RSRC1: variants seen among roughly 807,000 people sequenced by gnomAD.
The protein encoded by RSRC1 is serine/Arginine-related protein 53.
Under a neutral mutation model 49.1 loss-of-function variants are expected in RSRC1, and 39 were observed. That is an observed-to-expected ratio of 0.79 (90% CI 0.61 to 1.04). The LOEUF is 1.04. Ranked by LOEUF, RSRC1 falls within the 50% of genes least tolerant of loss-of-function variation. The probability of loss-of-function intolerance (pLI) is 0.00; values close to 1 mark genes in which losing one functional copy is unlikely to be tolerated. For synonymous variants in RSRC1, 143 were observed against 130.8 expected (o/e 1.09, Z -0.63); for missense variants, 388 against 402.4 (o/e 0.96, Z 0.31).
At chr3:158,286,356 C>G (rs1263160096) in intron 4 of RSRC1, among the ~76,000 whole-genome samples, 1 of 152,176 alleles carries the variant, frequency 6.6e-6, no homozygotes, top group Admixed American at 6.5e-5. Context: ...TTTATCTCAT[C>G]TATAAAATAG....
intron 3 of RSRC1, among the ~76,000 whole-genome samples, chr3:158,148,940 C>T (rs777632728): frequency 2.0e-5 from 3 of 152,026 alleles, no homozygotes; most frequent in Non-Finnish European, 4.4e-5. Flanking sequence ...CATGCCGCCA[C>T]GCCTGGCTAA....
At chr3:158,114,662 C>T (rs1714670705) in intron 1 of RSRC1, among the ~76,000 whole-genome samples, 1 of 152,086 alleles carries the variant, frequency 6.6e-6, no homozygotes, top group African/African-American at 2.4e-5. Flanking sequence ...TGTTTGTGTC[C>T]TCTCTGATTT....
At chr3:158,130,707 G>A (rs1416931469) in intron 3 of RSRC1, among the ~76,000 whole-genome samples, 2 of 152,104 alleles carry the variant, frequency 1.3e-5, no homozygotes, top group African/African-American at 4.8e-5. Context: ...TCCACTTGTG[G>A]CATCATTCTG....
At chr3:158,140,826 T>C (rs1716699220) in intron 3 of RSRC1, among the ~76,000 whole-genome samples, 1 of 152,174 alleles carries the variant, frequency 6.6e-6, no homozygotes, top group Non-Finnish European at 1.5e-5. Flanking sequence ...GTTTATGCTG[T>C]TAGAGATATT....
At chr3:158,441,449 G>T (rs1258377680) in intron 6 of RSRC1, among the ~76,000 whole-genome samples, 1 of 149,052 alleles carries the variant, frequency 6.7e-6, no homozygotes, top group Non-Finnish European at 1.5e-5. Context: ...TATCAGTAGG[G>T]TTTTTTTTTT....
intron 6 of RSRC1, among the ~76,000 whole-genome samples, chr3:158,455,558 A>G (rs1737263831): frequency 6.6e-6 from 1 of 152,150 alleles, no homozygotes. Flanking sequence ...GTGATATACT[A>G]CCAGTGACAC....
At chr3:158,143,951 T>TA (rs966782651) in intron 3 of RSRC1, among the ~76,000 whole-genome samples, 19 of 152,234 alleles carry the variant, frequency 1.2e-4, no homozygotes, top group Non-Finnish European at 2.2e-4. Flanking sequence ...TTGGTGTTGT[T>TA]ACACTTTGAA....
At chr3:158,143,276 G>A (rs1421462255) in intron 3 of RSRC1, among the ~76,000 whole-genome samples, 1 of 152,092 alleles carries the variant, frequency 6.6e-6, no homozygotes, top group Non-Finnish European at 1.5e-5. Context: ...CTTTGAAAGG[G>A]ATTCAGGCAG....
At chr3:158,435,572 AAGATAT>A (rs1735999150) in intron 6 of RSRC1, among the ~76,000 whole-genome samples, 1 of 151,618 alleles carries the variant, frequency 6.6e-6, no homozygotes, top group African/African-American at 2.4e-5. Context: ...ATGTGCTATA[AAGATAT>A]AGATATAAAT....
At chr3:158,319,061 T>C (rs1295646212) in intron 5 of RSRC1, among the ~76,000 whole-genome samples, 1 of 152,142 alleles carries the variant, frequency 6.6e-6, no homozygotes, top group Admixed American at 6.5e-5. Context: ...ACTTAGTCTT[T>C]CCTGAAGAAT....
chr3:158,292,202 C>T (rs1726975119), intron 4 of RSRC1, among the ~76,000 whole-genome samples: 1 of 152,166 alleles, frequency 6.6e-6, no homozygotes, highest in African/African-American at 2.4e-5. Context: ...TCTGTGCTGC[C>T]TCAACTACAA....
At chr3:158,374,501 C>A (rs887477924) in intron 6 of RSRC1, among the ~76,000 whole-genome samples, 1 of 152,038 alleles carries the variant, frequency 6.6e-6, no homozygotes, top group Non-Finnish European at 1.5e-5. Context: ...AAGTAAAATA[C>A]GCTTATTTTT....
intron 3 of RSRC1, among the ~76,000 whole-genome samples, chr3:158,182,150 A>G (rs1719656252): frequency 6.6e-6 from 1 of 152,156 alleles, no homozygotes; most frequent in Admixed American, 6.6e-5. Flanking sequence ...AAAAGAAGAC[A>G]TTTAGCAAAG....
At chr3:158,530,163 T>C (rs1329513722) in intron 7 of RSRC1, among the ~76,000 whole-genome samples, 1 of 151,968 alleles carries the variant, frequency 6.6e-6, no homozygotes, top group Non-Finnish European at 1.5e-5. Flanking sequence ...GTCAGAAATA[T>C]ACAGATTTAT....
intron 6 of RSRC1, among the ~76,000 whole-genome samples, chr3:158,400,844 T>C (rs1733860595): frequency 1.3e-5 from 2 of 152,070 alleles, no homozygotes. Flanking sequence ...TAGTGTATTG[T>C]AATGCCCTAG....
At chr3:158,480,342 T>G (rs560785959) in intron 7 of RSRC1, among the ~76,000 whole-genome samples, 69 of 152,138 alleles carry the variant, frequency 4.5e-4, no homozygotes, top group African/African-American at 1.6e-3. Flanking sequence ...TGTATGTTTT[T>G]AAAGTTTTAT....
chr3:158,526,699 G>A (rs1423277031), intron 7 of RSRC1, among the ~76,000 whole-genome samples: 1 of 151,908 alleles, frequency 6.6e-6, no homozygotes, highest in Non-Finnish European at 1.5e-5. Context: ...AGAAATTAAG[G>A]CACATGGGGC....
Position 158,487,957 on chromosome 3 carries a change from A to G in RSRC1, c.652+26954A>G, listed in dbSNP as rs1314569186. 6.2e-5 allele frequency among the ~76,000 whole-genome samples: 9 copies of G among 145,768 alleles called. 1 individual carries two copies. In the East Asian group the frequency reaches 7.8e-4, roughly 13 times the overall value. ...AAGAGACTCCATCTCAAGAAAAAAA[A>G]AAAAAAAAAAAAAAAAACTGGCTGA... On this transcript the variant is annotated intron_variant, in intron 7 of 9. Coordinates refer to ENST00000611884, the MANE Select transcript of RSRC1 (RefSeq NM_001271838.2).
chr3:158,136,081 T>C (rs1186082291), intron 3 of RSRC1, among the ~76,000 whole-genome samples: 1 of 152,140 alleles, frequency 6.6e-6, no homozygotes, highest in Admixed American at 6.5e-5. Flanking sequence ...CCTTACTTAA[T>C]TTGCATTTCT....
Sources: allele counts gnomAD v4.1 joint callset (sites outside exome capture counted in the v4.1 genomes callset), GRCh38; gene constraint gnomAD v4.1.1; transcripts MANE v1.5; gene names NCBI Gene and HGNC (gene_info 2026-07-23, HGNC 2026-07-21).